The following MAP3K13 variants were observed in gnomAD, a reference collection of about 807,000 sequenced individuals.
MAP3K13 encodes leucine zipper-bearing kinase.
Under a neutral mutation model 104.0 loss-of-function variants are expected in MAP3K13, and 52 were observed. The ratio of observed to expected loss-of-function variants is 0.50; its 90% CI spans 0.40 to 0.63. The LOEUF (loss-of-function observed/expected upper bound fraction) is 0.63. Among genes scored for constraint, MAP3K13 ranks in the 20% least tolerant of loss-of-function variants. MAP3K13 has a pLI of 0.00. For synonymous variants in MAP3K13, 394 were observed against 442.2 expected (o/e 0.89, Z 1.37); for missense variants, 914 against 1,218.5 (o/e 0.75, Z 3.72).
intron 2 of MAP3K13, among the ~76,000 whole-genome samples, chr3:185,289,464 C>T (rs1032290464): frequency 2.6e-5 from 4 of 152,080 alleles, no homozygotes; most frequent in African/African-American, 9.7e-5. Flanking sequence ...CACCCATAAC[C>T]AGGACATAAA....
chr3:185,295,613 T>C (rs943321791), intron 2 of MAP3K13, among the ~76,000 whole-genome samples: 1 of 152,230 alleles, frequency 6.6e-6, no homozygotes, highest in Admixed American at 6.5e-5. Flanking sequence ...ACTTTAAATA[T>C]TATTTTTTCC....
chr3:185,432,029 C>T lies in MAP3K13; in HGVS notation c.475+2973C>T, dbSNP rs115912942. Among the ~76,000 whole-genome samples, 582 of 152,134 alleles carry T rather than the reference C, an allele frequency of 3.8e-3. 4 individuals are homozygous for T. The highest frequency in any genetic ancestry group is 0.013 in the African/African-American group (537 of 41,500). On this transcript the variant is annotated intron_variant, in intron 2 of 13. Transcript: ENST00000265026. ...TTTCATTTTCCCTCCACCCCCTGGC[C>T]CCCATGATTTCAAGGTTTTAAAGGA...
intron 5 of MAP3K13, among the ~76,000 whole-genome samples, chr3:185,449,371 TAAAAAAAA>T (rs61621090): frequency 1.9e-4 from 15 of 80,774 alleles, no homozygotes; most frequent in Non-Finnish European, 2.9e-4. Context: ...AGATGCTGTC[TAAAAAAAA>T]AAAAAAAAAA....
chr3:185,448,197 C>CT, intron 5 of MAP3K13: 1 of 563,090 alleles, frequency 1.8e-6, no homozygotes, highest in Non-Finnish European at 3.2e-6. Context: ...ATATGCTGAA[C>CT]TTTCTAGGAA....
chr3:185,341,173 T>C (rs552847436), intron 2 of MAP3K13, among the ~76,000 whole-genome samples: 4 of 152,280 alleles, frequency 2.6e-5, no homozygotes, highest in African/African-American at 9.6e-5. Flanking sequence ...AGGCTCTTTA[T>C]AGATGTAATT....
At chr3:185,347,627 C>G (rs902924092) in intron 2 of MAP3K13, among the ~76,000 whole-genome samples, 1 of 152,074 alleles carries the variant, frequency 6.6e-6, no homozygotes, top group Non-Finnish European at 1.5e-5. Flanking sequence ...TTCTTTCATT[C>G]GATTGAAAAT....
intron 1 of MAP3K13, among the ~76,000 whole-genome samples, chr3:185,427,126 G>T (rs1196544284): frequency 6.6e-6 from 1 of 152,066 alleles, no homozygotes; most frequent in Non-Finnish European, 1.5e-5. Flanking sequence ...GCAAAGGCAG[G>T]TGGATCACCT....
Position 185,310,654 on chromosome 3 carries a change from A to T in MAP3K13, c.-86+25011A>T, listed in dbSNP as rs531153610. ...ACAGACTGGAAAGAGGTGAGGAATG[A>T]ATAAATAAATTTGAAGGCAGATCCA... On this transcript the variant is annotated intron_variant, in intron 2 of 14. Transcript: ENST00000424227. 2.0e-5 allele frequency among the ~76,000 whole-genome samples: 3 copies of T among 152,358 alleles called. No individual in the cohort carries two copies. The South Asian group carries it at 6.2e-4, about 32-fold the overall frequency.
chr3:185,461,507 CTTT>C (rs1717098850), intron 7 of MAP3K13, among the ~76,000 whole-genome samples: 1 of 11,248 alleles, frequency 8.9e-5, no homozygotes, highest in South Asian at 3.3e-3. Context: ...GAAAGATACT[CTTT>C]CTATTATTGT....
At chr3:185,291,446 C>CA (rs142749581) in intron 2 of MAP3K13, among the ~76,000 whole-genome samples, 1 of 152,030 alleles carries the variant, frequency 6.6e-6, no homozygotes, top group Admixed American at 6.5e-5. Flanking sequence ...TGTACCTTTT[C>CA]AAAAAAATTT....
intron 1 of MAP3K13, among the ~76,000 whole-genome samples, chr3:185,413,766 G>A (rs1348713055): frequency 6.6e-6 from 1 of 152,168 alleles, no homozygotes; most frequent in Non-Finnish European, 1.5e-5. Flanking sequence ...ATGTTGCAGT[G>A]AGCTGAGATT....
In MAP3K13 at chr3:185,390,509, C is replaced by G. The variant is rs550652767; in HGVS notation, c.-86+27141C>G. On this transcript the variant is annotated intron_variant, in intron 1 of 13. Transcript: ENST00000265026. ...AAAGATGGAGGTTCTAATAGACAAC[C>G]CTTAGAGAATAGTTTATTGTTACTC... is the stretch of plus-strand genomic sequence containing the variant. 8.5e-5 allele frequency among the ~76,000 whole-genome samples: 13 copies of G among 152,108 alleles called. No individual in the cohort carries two copies. In the South Asian group the frequency reaches 1.7e-3, roughly 19 times the overall value.
intron 1 of MAP3K13, among the ~76,000 whole-genome samples, chr3:185,415,577 CTT>C (rs869297992): frequency 1.4e-5 from 1 of 72,990 alleles, no homozygotes; most frequent in Non-Finnish European, 2.5e-5. Flanking sequence ...GGGTTAATTT[CTT>C]TTTTTTTTTT....
At chr3:185,297,945 T>A (rs969297029) in intron 2 of MAP3K13, among the ~76,000 whole-genome samples, 12 of 151,946 alleles carry the variant, frequency 7.9e-5, no homozygotes, top group African/African-American at 2.9e-4. Context: ...GTTCATGGTA[T>A]GTATAGTTTC....
At position 185,334,767 on chromosome 3, in the gene MAP3K13, C is replaced by T. The variant is rs143450796; in HGVS notation, c.-86+49124C>T. ...GGGATTACAGGTGAGTGCCACCACA[C>T]GTGGCTAATTTTTGTATTTTTAGTA... On this transcript the variant is annotated intron_variant, in intron 2 of 14. Coordinates refer to the MAP3K13 transcript ENST00000424227. Among the ~76,000 whole-genome samples the T allele has an allele frequency of 1.7e-3, 256 of 152,208 alleles. 1 individual carries two copies. Among genetic ancestry groups the T allele is most frequent in the African/African-American group, 5.7e-3 (238 of 41,524 alleles).
intron 2 of MAP3K13, among the ~76,000 whole-genome samples, chr3:185,335,254 C>T (rs1298323640): frequency 1.3e-5 from 2 of 152,160 alleles, no homozygotes; most frequent in East Asian, 3.8e-4. Context: ...ATGGAACATA[C>T]TTGGAGAAGT....
chr3:185,407,672 G>C lies in MAP3K13; in HGVS notation c.-85-20825G>C, dbSNP rs529789839. 4.1e-4 allele frequency among the ~76,000 whole-genome samples: 62 copies of C among 152,000 alleles called. 1 individual carries two copies. The highest frequency in any genetic ancestry group is 6.3e-4 in the Non-Finnish European group (43 of 68,008). ...TTGCCAATTTCAGCGGTGGAATTAA[G>C]GGGGAAGAAAGCTCAAGTGTGTTCC... On this transcript the variant is annotated intron_variant, in intron 1 of 13. Transcript: ENST00000265026.
chr3:185,345,281 T>C (rs1437200108), intron 2 of MAP3K13, among the ~76,000 whole-genome samples: 1 of 151,928 alleles, frequency 6.6e-6, no homozygotes, highest in African/African-American at 2.4e-5. Flanking sequence ...CTTCTTCCGG[T>C]TAAGGCTTTT....
At chr3:185,354,260 G>T (rs1476680940) in intron 2 of MAP3K13, among the ~76,000 whole-genome samples, 2 of 151,206 alleles carry the variant, frequency 1.3e-5, no homozygotes, top group African/African-American at 2.4e-5. Flanking sequence ...TCTGCTAAGG[G>T]TCTGCTCCTA....
Sources: allele counts gnomAD v4.1 joint callset (sites outside exome capture counted in the v4.1 genomes callset), GRCh38; gene constraint gnomAD v4.1.1; transcripts MANE v1.5; gene names NCBI Gene and HGNC (gene_info 2026-07-23, HGNC 2026-07-21).